Variants in SLC9A7 observed in about 807,000 individuals in gnomAD.
SLC9A7 encodes the protein sodium/hydrogen exchanger 7.
In SLC9A7, 19 loss-of-function variants were observed where a neutral mutation model predicts 52.6. That is an observed-to-expected ratio of 0.36 (90% confidence interval 0.25 to 0.53). SLC9A7 has a LOEUF of 0.53. Among genes scored for constraint, SLC9A7 ranks in the 20% least tolerant of loss-of-function variants. SLC9A7 has a pLI of 0.91. For missense variants in SLC9A7, 455 were observed against 597.9 expected, an observed-to-expected ratio of 0.76 and a Z score of 2.49; for synonymous variants, 226 against 252.1, an observed-to-expected ratio of 0.90 and a Z score of 0.98.
intron 1 of SLC9A7, among the ~76,000 whole-genome samples, chrX:46,756,742 T>C (rs1424861153): frequency 8.9e-6 from 1 of 112,271 alleles, no homozygotes; most frequent in Non-Finnish European, 1.9e-5. Context: ...AGAACAAAAT[T>C]ACACAGGAAT....
At chrX:46,615,399 G>A (rs1942930010) in intron 15 of SLC9A7, among the ~76,000 whole-genome samples, 1 of 111,263 alleles carries the variant, frequency 9.0e-6, no homozygotes, top group African/African-American at 3.3e-5. Context: ...ACATTCCCAG[G>A]GAGAGATGCA....
At chrX:46,658,907 A>T (rs1442021274) in intron 7 of SLC9A7, among the ~76,000 whole-genome samples, 2 of 111,045 alleles carry the variant, frequency 1.8e-5, no homozygotes, top group African/African-American at 3.3e-5. Context: ...AAAGCTGGGC[A>T]GAGACACAAC....
intron 14 of SLC9A7, among the ~76,000 whole-genome samples, chrX:46,628,344 T>C (rs1403674082): frequency 8.9e-6 from 1 of 112,952 alleles, no homozygotes; most frequent in East Asian, 2.7e-4. Flanking sequence ...TTTGTTTTGG[T>C]TGCAAAGTCA....
chrX:46,698,096 G>T (rs1242050820), intron 1 of SLC9A7, among the ~76,000 whole-genome samples: 1 of 111,845 alleles, frequency 8.9e-6, no homozygotes, highest in African/African-American at 3.3e-5. Context: ...AATGACTAAG[G>T]TGCCCAAAAC....
chrX:46,669,802 T>A, intron 4 of SLC9A7, 83 bp from the exon 5 acceptor site: 1 of 424,160 alleles, frequency 2.4e-6, no homozygotes, highest in Admixed American at 4.3e-5. Flanking sequence ...ACTAGAATGC[T>A]GCTCTTAGAG....
intron 12 of SLC9A7, among the ~76,000 whole-genome samples, chrX:46,640,175 G>A (rs1156881725): frequency 2.7e-5 from 3 of 112,107 alleles, no homozygotes; most frequent in African/African-American, 9.7e-5. Flanking sequence ...GGTTTGCTGC[G>A]TAAGTATAGT....
chrX:46,755,980 G>A (rs1363946607), intron 1 of SLC9A7, among the ~76,000 whole-genome samples: 3 of 108,786 alleles, frequency 2.8e-5, no homozygotes, highest in Non-Finnish European at 3.8e-5. Context: ...GATATTTTAC[G>A]ACTATACCAA....
intron 1 of SLC9A7, chrX:46,725,591 C>T (rs1944931102): frequency 9.9e-7 from 1 of 1,013,907 alleles, no homozygotes; most frequent in African/African-American, 1.9e-5. Context: ...CCTGCTGCTG[C>T]TCATACATCC....
chrX:46,725,795 C>A, intron 1 of SLC9A7: 1 of 775,580 alleles, frequency 1.3e-6, no homozygotes. Flanking sequence ...CCTTGGGTTT[C>A]ACTTTCCCGA....
intron 1 of SLC9A7, among the ~76,000 whole-genome samples, chrX:46,753,493 G>A (rs1556289680): frequency 8.9e-6 from 1 of 111,780 alleles, no homozygotes; most frequent in Non-Finnish European, 1.9e-5. Flanking sequence ...GCCTTAAAAG[G>A]ACATCTCAAA....
At chrX:46,737,822 T>C (rs1945144628) in intron 1 of SLC9A7, among the ~76,000 whole-genome samples, 1 of 108,723 alleles carries the variant, frequency 9.2e-6, no homozygotes, top group Non-Finnish European at 1.9e-5. Context: ...AGCCCAGAAA[T>C]TCGAGACCAG....
intron 8 of SLC9A7, among the ~76,000 whole-genome samples, 194 bp downstream of exon 8, chrX:46,653,415 A>C (rs1943616002): frequency 8.9e-6 from 1 of 111,985 alleles, no homozygotes; most frequent in Non-Finnish European, 1.9e-5. Flanking sequence ...AAATTAAAAA[A>C]AGTCTAGCTT....
chrX:46,741,361 C>T (rs938240658), intron 1 of SLC9A7, among the ~76,000 whole-genome samples: 5 of 111,798 alleles, frequency 4.5e-5, no homozygotes, highest in African/African-American at 1.3e-4. Context: ...GGAGGATTCA[C>T]ACTACCCAAT....
At chrX:46,756,954 C>T (rs956775383) in intron 1 of SLC9A7, among the ~76,000 whole-genome samples, 1 of 112,098 alleles carries the variant, frequency 8.9e-6, no homozygotes, top group Non-Finnish European at 1.9e-5. Context: ...CCTCAGAACA[C>T]GGAGTACTCT....
intron 1 of SLC9A7, among the ~76,000 whole-genome samples, chrX:46,739,914 C>A (rs893100591): frequency 5.7e-4 from 64 of 111,655 alleles, no homozygotes; most frequent in Non-Finnish European, 6.0e-4. Context: ...CTTATTCATA[C>A]CACTGGGGAG....
chrX:46,732,860 C>G (rs938119106), intron 1 of SLC9A7, among the ~76,000 whole-genome samples: 1 of 111,594 alleles, frequency 9.0e-6, no homozygotes, highest in South Asian at 3.7e-4. Flanking sequence ...ATGGTACATC[C>G]AAACAATAGA....
At chrX:46,665,557 CA>C (rs754854403) in intron 5 of SLC9A7, among the ~76,000 whole-genome samples, 489 of 21,742 alleles carry the variant, frequency 0.022, 6 homozygotes, top group African/African-American at 0.064. Flanking sequence ...GACTCCATCT[CA>C]AAAAAAAAAA....
At chrX:46,713,056 T>G (rs1944714616) in intron 1 of SLC9A7, among the ~76,000 whole-genome samples, 1 of 112,615 alleles carries the variant, frequency 8.9e-6, no homozygotes, top group Non-Finnish European at 1.9e-5. Context: ...TGTGTGCTAT[T>G]TAATTCTCAT....
intron 11 of SLC9A7, among the ~76,000 whole-genome samples, chrX:46,646,249 C>A (rs755640279): frequency 1.8e-5 from 2 of 110,924 alleles, no homozygotes; most frequent in African/African-American, 6.6e-5. Flanking sequence ...CATGCCTTAG[C>A]ATGGTTCCTC....
Sources: gnomAD v4.1 joint callset for allele counts (sites outside exome capture counted in the v4.1 genomes callset) on GRCh38, gnomAD v4.1.1 for gene constraint, MANE v1.5 for transcripts, NCBI Gene and HGNC (gene_info 2026-07-23, HGNC 2026-07-21) for gene names.